EXOC7: variants seen among roughly 807,000 people sequenced by gnomAD.
EXOC7 encodes exocyst complex component 7.
EXOC7 carries 51 observed loss-of-function variants against 87.6 expected under a neutral mutation model. The observed-to-expected ratio is 0.58, with a 90% CI of 0.46 to 0.73. EXOC7 has a LOEUF of 0.73. EXOC7 is among the 30% of genes least tolerant of loss of function. The pLI, the probability that EXOC7 is intolerant of heterozygous loss-of-function variation, is 0.00. For synonymous variants in EXOC7, 327 were observed against 357.1 expected, an observed-to-expected ratio of 0.92 and a Z score of 0.95; for missense variants, 744 against 888.4, an observed-to-expected ratio of 0.84 and a Z score of 2.07.
chr17:76,101,082 T>C (rs572529535), intron 4 of EXOC7, 189 bp downstream of exon 4: 2 of 1,127,070 alleles, frequency 1.8e-6, no homozygotes, highest in Non-Finnish European at 2.3e-6. Context: ...AGTTTTATAA[T>C]AAAGAATTTT....
At chr17:76,087,132 T>C in intron 12 of EXOC7, 2 of 486,696 alleles carry the variant, frequency 4.1e-6, no homozygotes, top group Non-Finnish European at 7.5e-6. Context: ...CACAGGCTCC[T>C]TGCCCCCAAA....
chr17:76,082,214 G>A lies in EXOC7; in HGVS notation c.*1434C>T, dbSNP rs2067012288. The A allele has an allele frequency of 3.1e-6, 3 of 957,126 alleles. No individual in the cohort carries two copies. The highest frequency in any genetic ancestry group is 5.9e-5 in the Admixed American group (2 of 33,672). The allele number at this position is 957,126 out of a possible 1,614,324, so 59.3% of individuals were successfully genotyped here. On this transcript the variant is annotated 3_prime_UTR_variant, in exon 19 of 19. Transcript: ENST00000589210. The stretch of plus-strand genomic sequence containing the variant: ...TCCTCCCTTAGAAGAAACAGGTCTG[G>A]GGCAGGGAGCAAGCTGAGCCTCCCT...
chr17:76,090,319 C>T lies in EXOC7; in HGVS notation c.901+824G>A, dbSNP rs377356781. On this transcript the variant is annotated intron_variant, in intron 7 of 18. Transcript: ENST00000589210. ...CAGCGGCTGCCCTCGGGCTGGGCTGCGGTACTCACCGGCCAGCGGCCCGTG... is the reference window on the plus strand; with the variant it reads ...CAGCGGCTGCCCTCGGGCTGGGCTGTGGTACTCACCGGCCAGCGGCCCGTG... 5.4e-5 allele frequency: 84 copies of T among 1,550,192 alleles called. 2 individuals carry two copies. The East Asian group carries it at 5.9e-4, about 11-fold the overall frequency.
At chr17:76,086,720 T>G in intron 12 of EXOC7, 1 of 722,840 alleles carries the variant, frequency 1.4e-6, no homozygotes, top group South Asian at 1.8e-5. Context: ...GCAGAGAGAG[T>G]TGAGAGCACC....
chr17:76,087,598 TG>T (rs1379318082), intron 12 of EXOC7, 55 bp downstream of exon 12: 1 of 1,514,294 alleles, frequency 6.6e-7, no homozygotes, highest in East Asian at 2.5e-5. Context: ...TCTAACCCCA[TG>T]TCTCCAGGCA....
At chr17:76,094,684 T>C in intron 5 of EXOC7, 103 bp from the exon 6 acceptor site, 1 of 1,164,058 alleles carries the variant, frequency 8.6e-7, no homozygotes, top group Non-Finnish European at 1.2e-6. Flanking sequence ...TCTTAGCATC[T>C]GCTCCCTGCT....
At position 76,103,661 on chromosome 17, in the gene EXOC7, C is replaced by T. The variant is rs1202290975; in HGVS notation, c.32G>A (p.Arg11Gln). 1 of 1,613,422 alleles carries T rather than the reference C, an allele frequency of 6.2e-7. No individual in the cohort carries two copies. The highest frequency in any genetic ancestry group is 1.3e-5 in the African/African-American group (1 of 75,040). Residue 11 changes from arginine to glutamine, a missense_variant, in exon 1 of 19, where the codon CGG becomes CAG. Physicochemically the swap from Arg to Gln is conservative, Grantham distance 43. Transcript: ENST00000589210. The stretch of plus-strand genomic sequence containing the variant: ...CTTCAGCTTGTCCTCAATCTCCCGC[C>T]GTCGAGCGGATGCCTCCTGTGGGGG... MIPPQEASAR[R>Q]REIEDKLKQE...
chr17:76,088,356 GC>G, intron 10 of EXOC7, 107 bp downstream of exon 10: 2 of 1,172,012 alleles, frequency 1.7e-6, no homozygotes, highest in Non-Finnish European at 2.5e-6. Context: ...GCAGCTGGCT[GC>G]CCCGGGACAA....
In EXOC7 at chr17:76,103,675, C is replaced by T. The variant is rs1476276080; in HGVS notation, c.18G>A (p.Glu6=). The change falls in exon 1 of 19, where the codon GAG becomes GAA. Residue 6 remains glutamate, a synonymous_variant. Transcript: ENST00000589210. The part of the protein sequence containing the change: MIPPQ[E]ASARRREIED... ...CAATCTCCCGCCGTCGAGCGGATGC[C>T]TCCTGTGGGGGAATCATCGCTCTGA... 3 of 1,612,794 alleles carry T rather than the reference C, an allele frequency of 1.9e-6. No individual in the cohort carries two copies. Among genetic ancestry groups the T allele is most frequent in the Admixed American group, 3.3e-5 (2 of 59,872 alleles).
At chr17:76,090,922 T>TCAGGGAGGGCAGAGCTGCCATCAGC in intron 7 of EXOC7, 1 of 590,742 alleles carries the variant, frequency 1.7e-6, no homozygotes, top group South Asian at 2.0e-5. Flanking sequence ...GAGGGAAGCC[T>TCAGGGAGGGCAGAGCTGCCATCAGC]CAGGGAGGGC....
chr17:76,088,977 T>A (rs2067344126), intron 8 of EXOC7, 54 bp from the exon 9 acceptor site: 1 of 1,574,838 alleles, frequency 6.3e-7, no homozygotes. Flanking sequence ...GAGCTAGTTC[T>A]GGGCTAGTGG....
At chr17:76,087,526 C>T (rs2067265030) in intron 12 of EXOC7, 128 bp downstream of exon 12, 1 of 903,684 alleles carries the variant, frequency 1.1e-6, no homozygotes, top group African/African-American at 1.7e-5. Context: ...CCCAGGGACC[C>T]TCTGCTGAGC....
chr17:76,085,190 G>A (rs1184671365), intron 15 of EXOC7, 124 bp downstream of exon 15: 2 of 768,596 alleles, frequency 2.6e-6, no homozygotes, highest in Non-Finnish European at 4.3e-6. Flanking sequence ...GAAACCAAGT[G>A]GAGGATTAGG....
At position 76,098,892 on chromosome 17, in the gene EXOC7, C is replaced by T. The variant is rs145592217; in HGVS notation, c.418-874G>A. 7.0e-3 allele frequency among the ~76,000 whole-genome samples: 1,060 copies of T among 150,634 alleles called. 14 individuals are homozygous for T. Among genetic ancestry groups the T allele is most frequent in the African/African-American group, 0.023 (950 of 40,960 alleles). ...AAAAAAAAAAAAAAAAAATACTGGC[C>T]GATTATTTTCTCACTGAACCGTTAA... On this transcript the variant is annotated intron_variant, in intron 4 of 18. Transcript: ENST00000589210.
chr17:76,085,241 T>G, intron 15 of EXOC7, 73 bp downstream of exon 15: 21 of 1,236,166 alleles, frequency 1.7e-5, no homozygotes, highest in Non-Finnish European at 2.4e-5. Context: ...CTCTGTGTCC[T>G]GAGGTGCTGA....
At chr17:76,096,479 T>C (rs1418141421) in intron 5 of EXOC7, among the ~76,000 whole-genome samples, 1 of 126,834 alleles carries the variant, frequency 7.9e-6, no homozygotes, top group African/African-American at 3.0e-5. Flanking sequence ...GCCACTGCAC[T>C]CCAGCGTGGG....
At position 76,097,939 on chromosome 17, in the gene EXOC7, G is replaced by A. The variant is rs200318922; in HGVS notation, c.497C>T (p.Ser166Leu). ...GATCAGATCCAAGATGAGCACGGGCGAGACGACCTTACTGTGCCGCGTCAT... is the reference window on the plus strand; with the variant it reads ...GATCAGATCCAAGATGAGCACGGGCAAGACGACCTTACTGTGCCGCGTCAT... ...SLMTRHSKVV[S>L]PVLILDLISG... The change falls in exon 5 of 19, where the codon TCG (serine) becomes TTG (leucine). Residue 166 changes from serine (S) to leucine (L), a missense_variant. Around this residue, in one of 3 missense-constraint regions of EXOC7, gnomAD observed 512 missense variants for 573.0 expected, o/e 0.89. Coordinates refer to ENST00000589210, the MANE Select transcript of EXOC7 (RefSeq NM_001013839.4). 1.4e-5 allele frequency: 22 copies of A among 1,614,058 alleles called. No homozygotes were observed. The East Asian group carries it at 2.5e-4, about 18-fold the overall frequency.
rs1222638876 is a variant in EXOC7, at chr17:76,081,300, C to T, written c.*2348G>A. 1 of 1,614,038 alleles carries T rather than the reference C, an allele frequency of 6.2e-7. No homozygotes were observed. ...CAGCGATGGAGTTAGAGTTCCAGGC[C>T]CACGTGGTGAACGAGATTGTGAGTG... On this transcript the variant is annotated 3_prime_UTR_variant, in exon 19 of 19. Transcript: ENST00000589210.
chr17:76,098,415 C>G (rs984510471), intron 4 of EXOC7, among the ~76,000 whole-genome samples: 3 of 151,566 alleles, frequency 2.0e-5, no homozygotes, highest in Non-Finnish European at 4.4e-5. Context: ...GGATTACAGG[C>G]ATGAGCCACT....
Sources: allele counts gnomAD v4.1 joint callset (sites outside exome capture counted in the v4.1 genomes callset), GRCh38; gene constraint gnomAD v4.1.1; regional missense constraint gnomAD v4.1.1; transcripts MANE v1.5; gene names NCBI Gene and HGNC (gene_info 2026-07-23, HGNC 2026-07-21).